PTPRD: variants seen among roughly 807,000 people sequenced by gnomAD.
PTPRD encodes the protein receptor-type tyrosine-protein phosphatase delta.
PTPRD carries 34 observed loss-of-function variants against 214.5 expected under a neutral mutation model. The observed-to-expected ratio is 0.16, with a 90% CI of 0.12 to 0.21. PTPRD has a LOEUF of 0.21. Ranked by LOEUF, PTPRD falls within the 10% of genes least tolerant of loss-of-function variation. The pLI is 1.00. For missense variants in PTPRD, 2,545 were observed against 2,398.7 expected, an observed-to-expected ratio of 1.06 and a Z score of -1.27; for synonymous variants, 1,128 against 845.7, an observed-to-expected ratio of 1.33 and a Z score of -5.79.
rs146591813 is a variant in PTPRD, at chr9:9,610,141, T to C, written c.-286-35360A>G. On this transcript the variant is annotated intron_variant, in intron 7 of 45. Transcript: ENST00000381196. ...ACAATCAGCTATAAACCAGTAGAAA[T>C]ACGTTAGGAATCTTTCGAAAGGCTT... Among the ~76,000 whole-genome samples, 1,257 of 152,162 alleles carry C rather than the reference T, an allele frequency of 8.3e-3. 9 individuals carry two copies. The highest frequency in any genetic ancestry group is 0.012 in the Non-Finnish European group (798 of 68,000).
chr9:10,126,527 T>C (rs1439139986), intron 3 of PTPRD, among the ~76,000 whole-genome samples: 1 of 152,038 alleles, frequency 6.6e-6, no homozygotes, highest in African/African-American at 2.4e-5. Context: ...TCGTTACGAA[T>C]TTTGTATAGA....
At chr9:9,237,377 C>T (rs1217910554) in intron 9 of PTPRD, among the ~76,000 whole-genome samples, 1 of 152,132 alleles carries the variant, frequency 6.6e-6, no homozygotes, top group Non-Finnish European at 1.5e-5. Context: ...CTGCAGTTAG[C>T]TATGATCATG....
intron 7 of PTPRD, among the ~76,000 whole-genome samples, chr9:9,623,619 G>A (rs575505287): frequency 6.6e-6 from 1 of 152,136 alleles, no homozygotes; most frequent in Non-Finnish European, 1.5e-5. Flanking sequence ...GGAAATAAAT[G>A]ATACAACAAT....
chr9:9,305,763 C>G (rs1956937931), intron 9 of PTPRD, among the ~76,000 whole-genome samples: 1 of 151,966 alleles, frequency 6.6e-6, no homozygotes, highest in Non-Finnish European at 1.5e-5. Flanking sequence ...ACAAAAAAGA[C>G]ATGGGGAAAA....
At chr9:8,573,739 A>G (rs751507939) in intron 14 of PTPRD, among the ~76,000 whole-genome samples, 16 of 151,968 alleles carry the variant, frequency 1.1e-4, no homozygotes, top group African/African-American at 2.2e-4. Context: ...GAAAAAAAGC[A>G]TCAGTAGGAG....
chr9:9,547,796 TCACACACA>T (rs35772205), intron 8 of PTPRD, among the ~76,000 whole-genome samples: 4 of 142,372 alleles, frequency 2.8e-5, no homozygotes, highest in East Asian at 2.1e-4. Context: ...AAACACAAAT[TCACACACA>T]CACACACACA....
intron 2 of PTPRD, among the ~76,000 whole-genome samples, chr9:10,417,293 A>G (rs189362196): frequency 1.7e-4 from 26 of 152,046 alleles, no homozygotes; most frequent in South Asian, 2.1e-4. Flanking sequence ...CCTTCTTCCA[A>G]TGAAAGGGTG....
chr9:9,851,395 G>A (rs1204073592), intron 5 of PTPRD, among the ~76,000 whole-genome samples: 2 of 152,172 alleles, frequency 1.3e-5, no homozygotes, highest in Non-Finnish European at 2.9e-5. Context: ...AGTCAATGGA[G>A]GATCAATTAT....
intron 3 of PTPRD, among the ~76,000 whole-genome samples, chr9:10,161,237 A>T (rs2099125506): frequency 6.6e-6 from 1 of 151,868 alleles, no homozygotes; most frequent in African/African-American, 2.4e-5. Flanking sequence ...GAATCACAAA[A>T]AGATCCTGAA....
At chr9:9,922,985 C>T (rs182470834) in intron 5 of PTPRD, among the ~76,000 whole-genome samples, 60 of 152,098 alleles carry the variant, frequency 3.9e-4, no homozygotes, top group Admixed American at 1.5e-3. Flanking sequence ...ATCAATGTCA[C>T]ATTTACTGAA....
intron 10 of PTPRD, among the ~76,000 whole-genome samples, chr9:9,157,675 T>C (rs1380407509): frequency 6.6e-6 from 1 of 152,204 alleles, no homozygotes; most frequent in Non-Finnish European, 1.5e-5. Context: ...CACCACTGAA[T>C]TATAACCAAC....
chr9:9,783,400 C>T (rs1412688541), intron 5 of PTPRD, among the ~76,000 whole-genome samples: 2 of 152,094 alleles, frequency 1.3e-5, no homozygotes, highest in East Asian at 1.9e-4. Flanking sequence ...TCAACAAAAG[C>T]TTTGTTAGCC....
intron 23 of PTPRD, among the ~76,000 whole-genome samples, chr9:8,503,797 G>T (rs1450299500): frequency 6.6e-6 from 1 of 152,154 alleles, no homozygotes; most frequent in Non-Finnish European, 1.5e-5. Context: ...GCTTTTCTTA[G>T]TAGAAACAAA....
intron 8 of PTPRD, among the ~76,000 whole-genome samples, chr9:9,461,123 T>C (rs2093616659): frequency 6.6e-6 from 1 of 151,688 alleles, no homozygotes; most frequent in African/African-American, 2.4e-5. Flanking sequence ...AAACAATGGG[T>C]ATACATGAAC....
At chr9:9,621,368 T>C (rs1392509161) in intron 7 of PTPRD, among the ~76,000 whole-genome samples, 1 of 152,192 alleles carries the variant, frequency 6.6e-6, no homozygotes, top group Non-Finnish European at 1.5e-5. Flanking sequence ...TCCACATCCC[T>C]CATCCTATTT....
At chr9:10,078,533 A>AG (rs1358597795) in intron 3 of PTPRD, among the ~76,000 whole-genome samples, 1 of 149,396 alleles carries the variant, frequency 6.7e-6, no homozygotes, top group African/African-American at 2.4e-5. Flanking sequence ...AAAAAAAAAA[A>AG]AAAAAGAAAG....
chr9:9,467,328 C>T (rs564575238), intron 8 of PTPRD, among the ~76,000 whole-genome samples: 5 of 149,758 alleles, frequency 3.3e-5, no homozygotes, highest in Admixed American at 1.3e-4. Flanking sequence ...TGGCTCACAC[C>T]TGTAATCCCA....
At chr9:10,133,394 G>T (rs1191690419) in intron 3 of PTPRD, among the ~76,000 whole-genome samples, 1 of 152,132 alleles carries the variant, frequency 6.6e-6, no homozygotes, top group East Asian at 1.9e-4. Context: ...TAACTCTGCA[G>T]GTGACGGTGT....
At chr9:8,347,042 G>C (rs549305110) in intron 39 of PTPRD, among the ~76,000 whole-genome samples, 24 of 152,130 alleles carry the variant, frequency 1.6e-4, no homozygotes, top group African/African-American at 5.5e-4. Flanking sequence ...GGTACTCTCT[G>C]GGGACTCAGG....
Sources: gnomAD v4.1 joint callset for allele counts (sites outside exome capture counted in the v4.1 genomes callset) on GRCh38, gnomAD v4.1.1 for gene constraint, MANE v1.5 for transcripts, NCBI Gene and HGNC (gene_info 2026-07-23, HGNC 2026-07-21) for gene names.